ATAD2: variants seen among roughly 807,000 people sequenced by gnomAD.
ATAD2 encodes ATPase family AAA domain containing 2.
ATAD2 carries 62 observed loss-of-function variants against 168.9 expected under a neutral mutation model. The ratio of observed to expected loss-of-function variants is 0.37; its 90% confidence interval spans 0.30 to 0.45. The LOEUF (loss-of-function observed/expected upper bound fraction) is 0.45, where lower values mean the gene tolerates loss of function less well. Ranked by LOEUF, ATAD2 falls within the 20% of genes least tolerant of loss-of-function variation. The pLI is 1.00. For synonymous variants in ATAD2, 613 were observed against 571.6 expected, an observed-to-expected ratio of 1.07 and a Z score of -1.03; for missense variants, 1,419 against 1,667.8, an observed-to-expected ratio of 0.85 and a Z score of 2.60.
intron 6 of ATAD2, 88 bp downstream of exon 6, chr8:123,370,815 C>T: frequency 1.1e-6 from 1 of 923,830 alleles, no homozygotes; most frequent in Non-Finnish European, 1.6e-6. Flanking sequence ...CCATAAATGT[C>T]ACACCTTCTA....
intron 1 of ATAD2, among the ~76,000 whole-genome samples, chr8:123,409,940 GAAAAAA>G (rs33947485): frequency 9.7e-6 from 1 of 102,882 alleles, no homozygotes; most frequent in African/African-American, 3.9e-5. Flanking sequence ...CTCCATCTCG[GAAAAAA>G]AAAAAAAAAA....
rs372935462 is a variant in ATAD2, at chr8:123,340,914, G to A, written c.2719-1468C>T. Among the ~76,000 whole-genome samples the A allele has an allele frequency of 1.3e-3, 192 of 151,334 alleles. 2 individuals carry two copies. The South Asian group carries it at 0.026, about 21-fold the overall frequency. On this transcript the variant is annotated intron_variant, in intron 19 of 27. Coordinates refer to ENST00000287394, the MANE Select transcript of ATAD2 (RefSeq NM_014109.4). ...TGCACTTAATGCGACTATACTATAT[G>A]CTTAAAAAAATGGATGAAATGGTAA...
At position 123,379,263 on chromosome 8, in the gene ATAD2, T is replaced by C. The variant is rs558698779; in HGVS notation, c.320+1266A>G. ...TCCTCTTCTAAAAACCAAAAAACCG[T>C]ATGTACAGACTGCTTTAGAAATACA... On this transcript the variant is annotated intron_variant, in intron 2 of 27. Transcript: ENST00000287394. 4.6e-5 allele frequency among the ~76,000 whole-genome samples: 7 copies of C among 152,286 alleles called. No homozygotes were observed. The East Asian group carries it at 9.6e-4, about 21-fold the overall frequency.
At chr8:123,396,048 T>C in intron 1 of ATAD2, 139 bp downstream of exon 1, 1 of 1,024,406 alleles carries the variant, frequency 9.8e-7, no homozygotes, top group Non-Finnish European at 1.4e-6. Context: ...GCTTCCATTT[T>C]ACTCGTCCTC....
chr8:123,401,477 G>C, intron 1 of ATAD2: 12 of 1,560,930 alleles, frequency 7.7e-6, no homozygotes, highest in Non-Finnish European at 1.1e-5. Flanking sequence ...TGATTGGGGG[G>C]AACGTGGTGA....
chr8:123,388,891 A>C (rs923365070), intron 1 of ATAD2, among the ~76,000 whole-genome samples: 1 of 151,460 alleles, frequency 6.6e-6, no homozygotes, highest in African/African-American at 2.4e-5. Context: ...TAGTTCCATG[A>C]TTCAACTTCT....
In ATAD2 at chr8:123,402,891, T is replaced by C. The variant is rs528237635; in HGVS notation, c.-2281-1716A>G. ...CTTCAGGTGCCTCCTCTAAAGATCC[T>C]GATTTCATGCGTCTGAGATAAGGCC... On this transcript the variant is annotated intron_variant, in intron 1 of 28. Transcript: ENST00000521903. This position sits in a 1 kb window ranked among gnomAD's most constrained non-coding sequence, Gnocchi z 4.8. 2.0e-5 allele frequency among the ~76,000 whole-genome samples: 3 copies of C among 152,296 alleles called. No individual in the cohort carries two copies. The highest frequency in any genetic ancestry group is 2.9e-5 in the Non-Finnish European group (2 of 68,032).
In ATAD2 at chr8:123,347,325, G is replaced by T; in HGVS notation, c.1979C>A (p.Thr660Asn). ...ALRRRYPQIY[T>N]TSEKLQLDLS... ...ATCCAACTGCAGTTTCTCACTAGTG[G>T]TATAGATCTGTGGGTAGCGTCGTCG... Residue 660 changes from threonine to asparagine, a missense_variant, in exon 16 of 28, where the codon ACC becomes AAC. By Grantham distance (65) the Thr-to-Asn change is moderately conservative. Transcript: ENST00000287394. 6.2e-7 allele frequency: 1 copy of T among 1,613,906 alleles called. No individual in the cohort carries two copies. The highest frequency in any genetic ancestry group is 2.2e-5 in the East Asian group (1 of 44,880).
chr8:123,329,981 C>CTTCTTTTT (rs1827731295), intron 24 of ATAD2, among the ~76,000 whole-genome samples: 2 of 100,342 alleles, frequency 2.0e-5, no homozygotes, highest in African/African-American at 7.2e-5. Flanking sequence ...CCAGTGGCTT[C>CTTCTTTTT]TTTTTTTTTT....
At chr8:123,393,078 G>A (rs965918296) in intron 1 of ATAD2, among the ~76,000 whole-genome samples, 6 of 151,926 alleles carry the variant, frequency 3.9e-5, no homozygotes, top group East Asian at 1.9e-4. Context: ...CAGCTACTCC[G>A]GGAGGCTGAA....
chr8:123,396,553 C>T (rs1586910224), upstream of ATAD2: 3 of 587,100 alleles, frequency 5.1e-6, no homozygotes, highest in South Asian at 2.2e-5. Context: ...CGAAACTCTC[C>T]TCCCATTTGT....
At chr8:123,357,358 A>G (rs2131357727) in intron 12 of ATAD2, among the ~76,000 whole-genome samples, 1 of 152,286 alleles carries the variant, frequency 6.6e-6, no homozygotes, top group South Asian at 2.1e-4. Context: ...CTAAGATCCA[A>G]TTATTTCTTT....
Position 123,394,590 on chromosome 8 carries a change from A to C in ATAD2, c.171+1597T>G, listed in dbSNP as rs150400404. 3.2e-3 allele frequency among the ~76,000 whole-genome samples: 478 copies of C among 151,694 alleles called. 1 individual carries two copies. Among genetic ancestry groups the C allele is most frequent in the African/African-American group, 0.011 (460 of 41,314 alleles). On this transcript the variant is annotated intron_variant, in intron 1 of 27. Coordinates refer to ENST00000287394, the MANE Select transcript of ATAD2 (RefSeq NM_014109.4). ...GTTGAGGTTGCGGTGAGCCGAGATCACACCAGTGCACTCCAGCCTGGATGA... is the reference window on the plus strand; with the variant it reads ...GTTGAGGTTGCGGTGAGCCGAGATCCCACCAGTGCACTCCAGCCTGGATGA...
intron 11 of ATAD2, 57 bp from the exon 12 acceptor site, chr8:123,357,793 C>T: frequency 6.9e-7 from 1 of 1,458,316 alleles, no homozygotes. Flanking sequence ...ACTTTTAAAA[C>T]AAAAATTAGA....
chr8:123,370,594 A>G (rs926622962), intron 6 of ATAD2, among the ~76,000 whole-genome samples: 1 of 152,124 alleles, frequency 6.6e-6, no homozygotes, highest in Non-Finnish European at 1.5e-5. Flanking sequence ...TAAGTCCTAA[A>G]TGGAATAGCA....
In ATAD2 at chr8:123,337,724, A is replaced by G. The variant is rs572259836; in HGVS notation, c.2952T>C (p.Asp984=). The G allele has an allele frequency of 6.2e-7, 1 of 1,613,964 alleles. No homozygotes were observed. Among genetic ancestry groups the G allele is most frequent in the Admixed American group, 1.7e-5 (1 of 59,972 alleles). ...AGAAAATCCTCAGTTCTCTAAATGTATCTTCTTCTTGTTCTTCTAGTCGTT... is the reference window on the plus strand; with the variant it reads ...AGAAAATCCTCAGTTCTCTAAATGTGTCTTCTTCTTGTTCTTCTAGTCGTT... ...EVKRLEEQEE[D]TFRELRIFLR... The change falls in exon 21 of 28, where the codon GAT becomes GAC. Residue 984 remains aspartate, a synonymous_variant. Coordinates refer to ENST00000287394, the MANE Select transcript of ATAD2 (RefSeq NM_014109.4).
chr8:123,371,744 C>T lies in ATAD2; in HGVS notation c.462G>A (p.Val154=), dbSNP rs1294179741. 2.5e-6 allele frequency: 4 copies of T among 1,613,686 alleles called. No homozygotes were observed. The highest frequency in any genetic ancestry group is 3.4e-6 in the Non-Finnish European group (4 of 1,179,824). ...GACTTCTAATCCTACAACTTCGACG[C>T]ACTTCAACATCACCATTATCTTCAT... is the stretch of plus-strand genomic sequence containing the variant. The part of the protein sequence containing the change: ...HLHEDNGDVE[V]RRSCRIRSRY... The change falls in exon 4 of 28, where the codon GTG becomes GTA. Residue 154 remains valine (V), a synonymous_variant. Transcript: ENST00000287394.
At position 123,356,637 on chromosome 8, in the gene ATAD2, C is replaced by T. The variant is rs1461559675; in HGVS notation, c.1558-160G>A. ...TCGGTTTTTCTTCAAACTTACTTACCAGAATTTATATATAATTTTTTTTTT... is the reference window on the plus strand; with the variant it reads ...TCGGTTTTTCTTCAAACTTACTTACTAGAATTTATATATAATTTTTTTTTT... On this transcript the variant is annotated intron_variant, in intron 12 of 27. Coordinates refer to ENST00000287394, the MANE Select transcript of ATAD2 (RefSeq NM_014109.4). Among the ~76,000 whole-genome samples, 3 of 151,154 alleles carry T rather than the reference C, an allele frequency of 2.0e-5. No individual in the cohort carries two copies. The East Asian group carries it at 5.8e-4, about 29-fold the overall frequency.
chr8:123,413,837 T>C (rs1187647998), intron 1 of ATAD2, among the ~76,000 whole-genome samples: 1 of 152,090 alleles, frequency 6.6e-6, no homozygotes, highest in Non-Finnish European at 1.5e-5. Context: ...AGAGTGTACA[T>C]ACATCTTGTG....
Sources: allele counts gnomAD v4.1 joint callset (sites outside exome capture counted in the v4.1 genomes callset), GRCh38; gene constraint gnomAD v4.1.1; non-coding constraint Gnocchi (gnomAD v3.1); transcripts MANE v1.5; gene names NCBI Gene and HGNC (gene_info 2026-07-23, HGNC 2026-07-21).